The following CDK6 variants were observed in gnomAD, a reference collection of about 807,000 sequenced individuals.
The protein encoded by CDK6 is cyclin-dependent kinase 6.
A neutral mutation model predicts 37.1 loss-of-function variants in CDK6; 6 were observed. The ratio of observed to expected loss-of-function variants is 0.16; its 90% CI spans 0.09 to 0.32. The LOEUF (loss-of-function observed/expected upper bound fraction) is 0.32, where lower values mean the gene tolerates loss of function less well. Ranked by LOEUF, CDK6 falls within the 10% of genes least tolerant of loss-of-function variation. CDK6 has a pLI of 1.00. For missense variants in CDK6, 224 were observed against 418.9 expected (o/e 0.53, Z 4.06); for synonymous variants, 160 against 161.3 (o/e 0.99, Z 0.06).
At chr7:92,672,762 G>C (rs974333869) in intron 4 of CDK6, among the ~76,000 whole-genome samples, 7 of 152,100 alleles carry the variant, frequency 4.6e-5, no homozygotes, top group Non-Finnish European at 1.0e-4. Context: ...GTTTTGTCTA[G>C]TTGTATTATT....
chr7:92,794,830 A>C (rs756789297), intron 2 of CDK6, among the ~76,000 whole-genome samples: 1 of 152,166 alleles, frequency 6.6e-6, no homozygotes, highest in Non-Finnish European at 1.5e-5. Context: ...ACCAAGTCTG[A>C]TAAATTAAGT....
At chr7:92,836,048 A>G (rs1801662294) in intron 1 of CDK6, among the ~76,000 whole-genome samples, 1 of 152,190 alleles carries the variant, frequency 6.6e-6, no homozygotes. Context: ...ATGCAAGCAC[A>G]TTCTCCAGCA....
rs528952110 is a variant in CDK6, at chr7:92,627,110, A to G, written c.648-4024T>C. 3.9e-5 allele frequency among the ~76,000 whole-genome samples: 6 copies of G among 152,218 alleles called. No homozygotes were observed. In the East Asian group the frequency reaches 1.2e-3, roughly 29 times the overall value. On this transcript the variant is annotated intron_variant, in intron 5 of 7. Coordinates refer to ENST00000424848, the MANE Select transcript of CDK6 (RefSeq NM_001145306.2). ...GATAAACAGAATGTGGTATGGACTT[A>G]CAATGGAATATCACTGAGTCATAAA...
At chr7:92,789,518 G>A (rs1800229245) in intron 2 of CDK6, among the ~76,000 whole-genome samples, 1 of 152,052 alleles carries the variant, frequency 6.6e-6, no homozygotes, top group South Asian at 2.1e-4. Context: ...GAAGGAGAAA[G>A]GACAGAACTG....
intron 3 of CDK6, among the ~76,000 whole-genome samples, chr7:92,741,319 T>C (rs1156752235): frequency 6.6e-6 from 1 of 152,208 alleles, no homozygotes; most frequent in African/African-American, 2.4e-5. Flanking sequence ...AGATAAAACG[T>C]AGGACACTAA....
chr7:92,605,077 T>C lies in CDK6; in HGVS notation c.*10063A>G, dbSNP rs1306526882. 2 of 231,338 alleles carry C rather than the reference T, an allele frequency of 8.6e-6. No individual in the cohort carries two copies. The highest frequency in any genetic ancestry group is 1.2e-4 in the East Asian group (2 of 16,214). 14.3% of individuals were successfully genotyped at this position (231,338 alleles called of 1,614,324 possible). A position where few individuals can be genotyped will look rare whatever the true frequency, so the allele number is the denominator to read the frequency against. On this transcript the variant is annotated 3_prime_UTR_variant, in exon 8 of 8. Transcript: ENST00000424848. ...TTTTTATTTGCTACCAATATTTTTATTGTAAGAAATACAAAAGGTATTACA... is the reference window on the plus strand; with the variant it reads ...TTTTTATTTGCTACCAATATTTTTACTGTAAGAAATACAAAAGGTATTACA...
chr7:92,796,242 G>A (rs1466881894), intron 2 of CDK6, among the ~76,000 whole-genome samples: 2 of 151,718 alleles, frequency 1.3e-5, no homozygotes, highest in East Asian at 3.9e-4. Context: ...TAGACATATG[G>A]ATATTTAATC....
At position 92,834,562 on chromosome 7, in the gene CDK6, T is replaced by A. The variant is rs3731258; in HGVS notation, c.-367-872A>T. Among the ~76,000 whole-genome samples, 5,305 of 151,576 alleles carry A rather than the reference T, an allele frequency of 0.035. 308 individuals carry two copies. The highest frequency in any genetic ancestry group is 0.12 in the African/African-American group (5,017 of 41,280). ...TGGGAGAAAGGGGTGTTCGCCACAA[T>A]TTCGCTTGTCGTCTCCTTAAAGAAT... On this transcript the variant is annotated intron_variant, in intron 1 of 7. Coordinates refer to ENST00000424848, the MANE Select transcript of CDK6 (RefSeq NM_001145306.2). The surrounding 1 kb of genome is among the most constrained non-coding windows in gnomAD (Gnocchi z 4.6).
chr7:92,718,429 AC>A (rs1282565649), intron 4 of CDK6, among the ~76,000 whole-genome samples: 1 of 152,194 alleles, frequency 6.6e-6, no homozygotes, highest in Non-Finnish European at 1.5e-5. Context: ...CGAGGCACAA[AC>A]CCTGCCAGGT....
intron 3 of CDK6, among the ~76,000 whole-genome samples, chr7:92,773,053 A>T (rs1799756757): frequency 6.6e-6 from 1 of 152,156 alleles, no homozygotes; most frequent in Non-Finnish European, 1.5e-5. Context: ...AAGTCATTTT[A>T]AAAATAATTT....
chr7:92,742,742 T>TACACAC (rs57808535), intron 3 of CDK6, among the ~76,000 whole-genome samples: 251 of 150,572 alleles, frequency 1.7e-3, no homozygotes, highest in East Asian at 4.1e-3. Flanking sequence ...CATATATATA[T>TACACAC]ACACACACAC....
At chr7:92,684,011 G>T (rs1021163334) in intron 4 of CDK6, among the ~76,000 whole-genome samples, 1 of 152,180 alleles carries the variant, frequency 6.6e-6, no homozygotes, top group African/African-American at 2.4e-5. Context: ...TAAATAAGTA[G>T]GGGGCTACGG....
At chr7:92,822,695 C>T (rs76680615) in intron 2 of CDK6, among the ~76,000 whole-genome samples, 3,657 of 152,036 alleles carry the variant, frequency 0.024, 137 homozygotes, top group South Asian at 0.18. Flanking sequence ...GCTAGGCACA[C>T]GGGGCAATGC....
chr7:92,684,239 G>T (rs1270143639), intron 4 of CDK6, among the ~76,000 whole-genome samples: 1 of 152,186 alleles, frequency 6.6e-6, no homozygotes, highest in African/African-American at 2.4e-5. Context: ...TCTCCTCACT[G>T]TGGAGTCTAA....
At chr7:92,719,081 G>A (rs1007882217) in intron 4 of CDK6, among the ~76,000 whole-genome samples, 5 of 152,202 alleles carry the variant, frequency 3.3e-5, no homozygotes, top group African/African-American at 7.2e-5. Context: ...TGAGGTCAGA[G>A]TAAGGAAGGA....
At chr7:92,687,477 A>T (rs1204837976) in intron 4 of CDK6, among the ~76,000 whole-genome samples, 1 of 152,228 alleles carries the variant, frequency 6.6e-6, no homozygotes, top group African/African-American at 2.4e-5. Context: ...CAAAGCAGCA[A>T]ATCAAAACAA....
chr7:92,759,597 T>C (rs1331032319), intron 3 of CDK6, among the ~76,000 whole-genome samples: 3 of 151,624 alleles, frequency 2.0e-5, no homozygotes. Context: ...CTGCAAGTGA[T>C]GTGTCCTCAG....
rs573723159 is a variant in CDK6 at position 92,651,605 on chromosome 7, T to C, written c.647+19821A>G. Among the ~76,000 whole-genome samples the C allele has an allele frequency of 1.3e-3, 198 of 152,312 alleles. 1 individual carries two copies. The highest frequency in any genetic ancestry group is 4.4e-3 in the African/African-American group (184 of 41,568). On this transcript the variant is annotated intron_variant, in intron 5 of 7. Coordinates refer to ENST00000424848, the MANE Select transcript of CDK6 (RefSeq NM_001145306.2). The stretch of plus-strand genomic sequence containing the variant: ...TGATATTATAAGGAGCATAATGAAT[T>C]GCTCTAGACCAGCATTTGTGCAAGT...
At position 92,782,082 on chromosome 7, in the gene CDK6, A is replaced by T. The variant is rs148113182; in HGVS notation, c.234-7251T>A. Among the ~76,000 whole-genome samples, 9 of 152,302 alleles carry T rather than the reference A, an allele frequency of 5.9e-5. No homozygotes were observed. The East Asian group carries it at 1.7e-3, about 29-fold the overall frequency. On this transcript the variant is annotated intron_variant, in intron 2 of 7. Coordinates refer to ENST00000424848, the MANE Select transcript of CDK6 (RefSeq NM_001145306.2). ...TGCGATTTCAGCAGCACCCATAAAC[A>T]TTTACCAGCACCTACCATGTGCAGG...
Sources: allele counts gnomAD v4.1 joint callset (sites outside exome capture counted in the v4.1 genomes callset), GRCh38; gene constraint gnomAD v4.1.1; non-coding constraint Gnocchi (gnomAD v3.1); transcripts MANE v1.5; gene names NCBI Gene and HGNC (gene_info 2026-07-23, HGNC 2026-07-21).